The following NRIP1 variants were observed in gnomAD, a reference collection of about 807,000 sequenced individuals.
NRIP1 encodes the protein nuclear receptor-interacting protein 1.
Under a neutral mutation model 75.0 loss-of-function variants are expected in NRIP1, and 28 were observed. The observed-to-expected ratio is 0.37, with a 90% CI of 0.28 to 0.51. The LOEUF is 0.51. Ranked by LOEUF, NRIP1 falls within the 20% of genes least tolerant of loss-of-function variation. The probability of loss-of-function intolerance (pLI) is 0.92; values close to 1 mark genes in which losing one functional copy is unlikely to be tolerated. For missense variants in NRIP1, 1,435 were observed against 1,343.7 expected (o/e 1.07, Z -1.06); for synonymous variants, 526 against 487.6 (o/e 1.08, Z -1.04).
chr21:14,982,694 T>TG (rs773807287), intron 3 of NRIP1, among the ~76,000 whole-genome samples: 99 of 145,888 alleles, frequency 6.8e-4, no homozygotes, highest in African/African-American at 2.5e-3. Context: ...GCCATTATTG[T>TG]GGGGTTTTTT....
chr21:14,965,113 G>A lies in NRIP1; in HGVS notation c.3080C>T (p.Ser1027Phe). 1 of 1,613,184 alleles carries A rather than the reference G, an allele frequency of 6.2e-7. No individual in the cohort carries two copies. The highest frequency in any genetic ancestry group is 1.7e-5 in the Admixed American group (1 of 59,934). Residue 1027 changes from serine to phenylalanine, a missense_variant, in exon 4 of 4, where the codon TCT becomes TTT. Ser to Phe is a radical substitution (Grantham distance 155). Transcript: ENST00000318948. Reference protein sequence around the residue: ...HLGCAGSRPESGLLNGCSMPS... With the variant: ...HLGCAGSRPEFGLLNGCSMPS... The stretch of plus-strand genomic sequence containing the variant: ...CATGGAACACCCATTCAAAAGCCCA[G>A]ATTCTGGTCTAGACCCTGCACAGCC...
chr21:15,028,984 C>T (rs2088583194), intron 2 of NRIP1, among the ~76,000 whole-genome samples: 1 of 151,982 alleles, frequency 6.6e-6, no homozygotes, highest in Non-Finnish European at 1.5e-5. Context: ...GTTCAGGCTG[C>T]CATCCGAGAT....
At chr21:15,016,654 A>G (rs1046111056) in intron 2 of NRIP1, among the ~76,000 whole-genome samples, 4 of 152,116 alleles carry the variant, frequency 2.6e-5, no homozygotes, top group Non-Finnish European at 5.9e-5. Flanking sequence ...GGAAGCCGAA[A>G]TGGGCAGATC....
At chr21:15,029,794 C>A (rs1269154872) in intron 2 of NRIP1, among the ~76,000 whole-genome samples, 1 of 151,220 alleles carries the variant, frequency 6.6e-6, no homozygotes, top group Non-Finnish European at 1.5e-5. Context: ...CCAGCCTGGG[C>A]AACAGAGTCC....
At chr21:15,016,916 A>AAG (rs922186780) in intron 2 of NRIP1, among the ~76,000 whole-genome samples, 7 of 151,140 alleles carry the variant, frequency 4.6e-5, no homozygotes, top group South Asian at 2.1e-4. Context: ...GAAGGAAAGA[A>AAG]AGAGAGAGAG....
chr21:14,998,855 C>T (rs1323983306), intron 3 of NRIP1, among the ~76,000 whole-genome samples: 1 of 152,082 alleles, frequency 6.6e-6, no homozygotes, highest in African/African-American at 2.4e-5. Context: ...ATTGGTGAGG[C>T]TTCTGGTCAA....
chr21:14,965,751 G>A lies in NRIP1; in HGVS notation c.2442C>T (p.Ser814=), dbSNP rs564965761. 2 of 1,613,880 alleles carry A rather than the reference G, an allele frequency of 1.2e-6. No individual in the cohort carries two copies. Among genetic ancestry groups the A allele is most frequent in the Non-Finnish European group, 1.7e-6 (2 of 1,179,936 alleles). ...GCAATCGACTTAGCAGACCATTCTTGGAGAAAGAAAAATCCTGAGGTGAAA... is the reference window on the plus strand; with the variant it reads ...GCAATCGACTTAGCAGACCATTCTTAGAGAAAGAAAAATCCTGAGGTGAAA... ...EPVSPQDFSF[S]KNGLLSRLLR... The change falls in exon 4 of 4, where the codon TCC becomes TCT. Residue 814 remains serine, a synonymous_variant. Transcript: ENST00000318948.
At chr21:14,988,131 C>A (rs2087456121) in intron 3 of NRIP1, 1 of 152,100 alleles carries the variant, frequency 6.6e-6, no homozygotes, top group Admixed American at 6.6e-5. Context: ...CCTGACTCTG[C>A]TATTCAGTAG....
chr21:15,056,134 T>C (rs2089300789), intron 1 of NRIP1, among the ~76,000 whole-genome samples: 1 of 152,064 alleles, frequency 6.6e-6, no homozygotes, highest in Non-Finnish European at 1.5e-5. Context: ...AACTAACTTG[T>C]TTGATAAATG....
At chr21:14,991,798 C>G (rs180937513) in intron 3 of NRIP1, among the ~76,000 whole-genome samples, 2 of 152,278 alleles carry the variant, frequency 1.3e-5, no homozygotes, top group African/African-American at 4.8e-5. Context: ...CTGTTCCATT[C>G]ATTTTCCCCA....
Position 14,966,936 on chromosome 21 carries a change from A to C in NRIP1, c.1257T>G (p.Asp419Glu), listed in dbSNP as rs1283190246. The C allele has an allele frequency of 6.2e-7, 1 of 1,614,182 alleles. No homozygotes were observed. The highest frequency in any genetic ancestry group is 8.5e-7 in the Non-Finnish European group (1 of 1,180,028). ...TGTCATCTGTAAAACTAGGATTGTT[A>C]TCTGAATATTCATCAATAGTTGTAG... is the stretch of plus-strand genomic sequence containing the variant. ...STPTTIDEYS[D>E]NNPSFTDDSS... The change falls in exon 4 of 4, where the codon GAT becomes GAG. Residue 419 changes from aspartate to glutamate, a missense_variant. Transcript: ENST00000318948.
At chr21:15,047,082 G>T (rs553316773) in intron 1 of NRIP1, among the ~76,000 whole-genome samples, 1 of 152,158 alleles carries the variant, frequency 6.6e-6, no homozygotes, top group East Asian at 1.9e-4. Flanking sequence ...GCCCGAGACT[G>T]GGTAATTTAT....
chr21:15,021,600 A>C (rs1183059295), intron 2 of NRIP1, among the ~76,000 whole-genome samples: 1 of 152,222 alleles, frequency 6.6e-6, no homozygotes, highest in African/African-American at 2.4e-5. Flanking sequence ...CAAAAATAAA[A>C]ATGATATATT....
chr21:15,000,642 G>GTCTT (rs906391202), intron 3 of NRIP1, among the ~76,000 whole-genome samples: 5 of 152,036 alleles, frequency 3.3e-5, no homozygotes, highest in Non-Finnish European at 7.4e-5. Flanking sequence ...ATCAAAAACT[G>GTCTT]TAAGTAAAAA....
chr21:14,984,101 T>C (rs1483092271), intron 3 of NRIP1, among the ~76,000 whole-genome samples: 1 of 152,188 alleles, frequency 6.6e-6, no homozygotes, highest in Non-Finnish European at 1.5e-5. Flanking sequence ...GTGATTCCTC[T>C]GATTGGATCT....
At chr21:14,991,026 T>A (rs1031534440) in intron 3 of NRIP1, among the ~76,000 whole-genome samples, 5 of 151,968 alleles carry the variant, frequency 3.3e-5, no homozygotes, top group South Asian at 2.1e-4. Context: ...TGTCTCTACT[T>A]CTTCTTAAAT....
At chr21:15,000,214 A>C (rs2087820061) in intron 3 of NRIP1, among the ~76,000 whole-genome samples, 1 of 152,200 alleles carries the variant, frequency 6.6e-6, no homozygotes, top group Non-Finnish European at 1.5e-5. Flanking sequence ...AGTACTTTCA[A>C]AAGAGCAACT....
intron 3 of NRIP1, chr21:15,002,227 A>C (rs2087864597): frequency 6.6e-6 from 1 of 152,206 alleles, no homozygotes; most frequent in Non-Finnish European, 1.5e-5. Flanking sequence ...CGGAGTAATC[A>C]ATTTGTTCTG....
At chr21:15,050,174 G>T (rs886572111) in intron 1 of NRIP1, 1 of 153,730 alleles carries the variant, frequency 6.5e-6, no homozygotes, top group African/African-American at 2.4e-5. Flanking sequence ...ATATATGTGT[G>T]TAACTAGGTA....
Sources: allele counts gnomAD v4.1 joint callset (sites outside exome capture counted in the v4.1 genomes callset), GRCh38; gene constraint gnomAD v4.1.1; transcripts MANE v1.5; gene names NCBI Gene and HGNC (gene_info 2026-07-23, HGNC 2026-07-21).